The following SUMF1 variants were observed in gnomAD, a reference collection of about 807,000 sequenced individuals.
The protein encoded by SUMF1 is formylglycine-generating enzyme.
In SUMF1, 48 loss-of-function variants were observed where a neutral mutation model predicts 47.6. The observed-to-expected ratio is 1.01, with a 90% confidence interval of 0.80 to 1.28. The LOEUF is 1.28. Ranked by LOEUF, SUMF1 falls within the 50% of genes most tolerant of loss-of-function variation. The pLI, the probability that SUMF1 is intolerant of heterozygous loss-of-function variation, is 0.00. For synonymous variants in SUMF1, 230 were observed against 192.1 expected, an observed-to-expected ratio of 1.20 and a Z score of -1.63; for missense variants, 571 against 485.4, an observed-to-expected ratio of 1.18 and a Z score of -1.66.
intron 8 of SUMF1, among the ~76,000 whole-genome samples, chr3:4,094,696 T>C (rs1430248885): frequency 6.6e-6 from 1 of 152,112 alleles, no homozygotes; most frequent in Non-Finnish European, 1.5e-5. Context: ...GGTGCCAGCC[T>C]GTGCTCAAAA....
At chr3:4,171,911 T>C (rs1229991150) in intron 8 of SUMF1, among the ~76,000 whole-genome samples, 1 of 152,158 alleles carries the variant, frequency 6.6e-6, no homozygotes, top group Non-Finnish European at 1.5e-5. Flanking sequence ...GATATCCTTC[T>C]GTGCCAGTCA....
chr3:4,168,769 G>A (rs1694766833), intron 8 of SUMF1, among the ~76,000 whole-genome samples: 1 of 152,078 alleles, frequency 6.6e-6, no homozygotes, highest in Non-Finnish European at 1.5e-5. Flanking sequence ...CCAGTATTGT[G>A]GTGAGGATTT....
intron 8 of SUMF1, among the ~76,000 whole-genome samples, chr3:4,224,360 T>C (rs1696130254): frequency 6.6e-6 from 1 of 152,112 alleles, no homozygotes; most frequent in Admixed American, 6.6e-5. Flanking sequence ...CTGTTTTTTA[T>C]TGAATTCAGC....
At chr3:4,275,510 T>C (rs1697393683) in intron 8 of SUMF1, among the ~76,000 whole-genome samples, 1 of 152,056 alleles carries the variant, frequency 6.6e-6, no homozygotes, top group African/African-American at 2.4e-5. Flanking sequence ...ACTCCCCACC[T>C]CCATCCCAGC....
rs147081455 is a variant in SUMF1, at chr3:4,328,820, A to G, written c.1014+47510T>C. On this transcript the variant is annotated intron_variant and NMD_transcript_variant, in intron 8 of 12. Coordinates refer to the SUMF1 transcript ENST00000448413. ...CCAAATCCAAAGTCTCATCTGAGAC[A>G]AGGCAAGTCCCTTTCACCTATGAGC... Among the ~76,000 whole-genome samples, 502 of 152,308 alleles carry G rather than the reference A, an allele frequency of 3.3e-3. 4 individuals carry two copies. Among genetic ancestry groups the G allele is most frequent in the African/African-American group, 0.011 (475 of 41,572 alleles).
At chr3:4,247,310 C>T (rs933512940) in intron 8 of SUMF1, among the ~76,000 whole-genome samples, 3 of 152,240 alleles carry the variant, frequency 2.0e-5, no homozygotes, top group Middle Eastern at 3.4e-3. Flanking sequence ...GCTAAATGTT[C>T]CTGATATTTC....
At chr3:4,319,508 G>A (rs1698775859) in intron 8 of SUMF1, among the ~76,000 whole-genome samples, 2 of 152,190 alleles carry the variant, frequency 1.3e-5, no homozygotes, top group Admixed American at 6.5e-5. Flanking sequence ...GATCTGGTGA[G>A]TTTAAGTCCC....
intron 3 of SUMF1, among the ~76,000 whole-genome samples, chr3:4,428,203 T>C (rs1231911316): frequency 4.6e-5 from 7 of 152,186 alleles, no homozygotes; most frequent in Non-Finnish European, 2.9e-5. Context: ...ACAAAAATGT[T>C]TGTACAAATT....
At chr3:4,290,479 C>T (rs998361875) in intron 8 of SUMF1, among the ~76,000 whole-genome samples, 3 of 152,114 alleles carry the variant, frequency 2.0e-5, no homozygotes, top group Admixed American at 6.6e-5. Flanking sequence ...CCTTGTGGAC[C>T]GTAAGGGTAT....
intron 8 of SUMF1, among the ~76,000 whole-genome samples, chr3:4,285,225 A>G (rs1559651266): frequency 6.6e-6 from 1 of 152,216 alleles, no homozygotes; most frequent in East Asian, 1.9e-4. Context: ...GTTTGACTTA[A>G]TAGTATCTCC....
downstream of SUMF1, among the ~76,000 whole-genome samples, chr3:4,357,872 T>G (rs1001119489): frequency 3.3e-5 from 5 of 152,112 alleles, no homozygotes; most frequent in African/African-American, 1.2e-4. Flanking sequence ...CCTCCCAAAG[T>G]GCAGGGATTA....
chr3:4,357,799 G>T (rs1699655532), downstream of SUMF1, among the ~76,000 whole-genome samples: 1 of 151,722 alleles, frequency 6.6e-6, no homozygotes, highest in African/African-American at 2.4e-5. Context: ...GTAGAGACGG[G>T]GTTTCACCAT....
At chr3:4,280,100 C>G (rs149306153) in intron 8 of SUMF1, among the ~76,000 whole-genome samples, 28 of 152,088 alleles carry the variant, frequency 1.8e-4, no homozygotes, top group Admixed American at 1.8e-3. Context: ...TTACCACACA[C>G]AAAAAAGATG....
chr3:4,253,320 C>T (rs1374980594), intron 8 of SUMF1, among the ~76,000 whole-genome samples: 1 of 152,170 alleles, frequency 6.6e-6, no homozygotes, highest in African/African-American at 2.4e-5. Context: ...ACGCAGAAGA[C>T]AGGTGATTTC....
At chr3:4,434,131 G>A (rs1702322364) in intron 3 of SUMF1, among the ~76,000 whole-genome samples, 1 of 152,222 alleles carries the variant, frequency 6.6e-6, no homozygotes, top group African/African-American at 2.4e-5. Flanking sequence ...AGGCTGAAGA[G>A]TTATTGTTTA....
intron 9 of SUMF1, among the ~76,000 whole-genome samples, chr3:4,047,421 G>A (rs1375718238): frequency 6.6e-6 from 1 of 152,168 alleles, no homozygotes; most frequent in South Asian, 2.1e-4. Flanking sequence ...CTTGGGATTC[G>A]GTGCTTACAG....
rs114064308 is a variant in SUMF1 at position 4,164,825 on chromosome 3, T to C, written c.1015-96080A>G. Among the ~76,000 whole-genome samples the C allele has an allele frequency of 5.6e-4, 86 of 152,270 alleles. 1 individual carries two copies. Among genetic ancestry groups the C allele is most frequent in the African/African-American group, 2.0e-3 (82 of 41,536 alleles). Reference sequence around the variant, plus strand: ...CCAGATTGGATAATAAACTTATCTTTTAGGATAAATTGACCCTTGAGTGAG... The same window carrying C: ...CCAGATTGGATAATAAACTTATCTTCTAGGATAAATTGACCCTTGAGTGAG... On this transcript the variant is annotated intron_variant and NMD_transcript_variant, in intron 8 of 12. Transcript: ENST00000448413.
intron 8 of SUMF1, among the ~76,000 whole-genome samples, chr3:4,232,697 A>AT (rs201138161): frequency 4.4e-4 from 66 of 151,596 alleles, no homozygotes; most frequent in Admixed American, 2.6e-4. Flanking sequence ...GCCATATGGT[A>AT]TTTTTTTTTA....
intron 7 of SUMF1, among the ~76,000 whole-genome samples, chr3:4,396,182 G>A (rs1442402558): frequency 6.6e-6 from 1 of 152,210 alleles, no homozygotes; most frequent in African/African-American, 2.4e-5. Context: ...AGAAAGCAGA[G>A]GAGCTGGGCT....
Sources: gnomAD v4.1 joint callset for allele counts (sites outside exome capture counted in the v4.1 genomes callset) on GRCh38, gnomAD v4.1.1 for gene constraint, MANE v1.5 for transcripts, NCBI Gene and HGNC (gene_info 2026-07-23, HGNC 2026-07-21) for gene names.